The following NOX4 variants were observed in gnomAD, a reference collection of about 807,000 sequenced individuals.
NOX4 encodes kidney oxidase-1.
A neutral mutation model predicts 87.6 loss-of-function variants in NOX4; 69 were observed. That is an observed-to-expected ratio of 0.79 (90% CI 0.65 to 0.96). The LOEUF (loss-of-function observed/expected upper bound fraction) is 0.96, where lower values mean the gene tolerates loss of function less well. Among genes scored for constraint, NOX4 ranks in the 40% least tolerant of loss-of-function variants. The pLI, the probability that NOX4 is intolerant of heterozygous loss-of-function variation, is 0.00. For synonymous variants in NOX4, 275 were observed against 238.2 expected (o/e 1.15, Z -1.42); for missense variants, 680 against 681.5 (o/e 1.00, Z 0.02).
intron 12 of NOX4, among the ~76,000 whole-genome samples, chr11:89,363,483 C>G (rs1228709259): frequency 2.6e-5 from 4 of 151,866 alleles, no homozygotes; most frequent in African/African-American, 9.7e-5. Context: ...TAAGCACACA[C>G]AAAAAATGCC....
intron 7 of NOX4, among the ~76,000 whole-genome samples, chr11:89,424,869 A>G (rs1269569589): frequency 1.3e-5 from 2 of 152,144 alleles, no homozygotes; most frequent in Non-Finnish European, 2.9e-5. Flanking sequence ...GGTAAAAAGA[A>G]AAGGTAAAAT....
intron 2 of NOX4, among the ~76,000 whole-genome samples, chr11:89,452,651 C>A (rs1000692950): frequency 8.6e-5 from 13 of 151,986 alleles, no homozygotes; most frequent in Admixed American, 8.5e-4. Context: ...CCAAATCAAG[C>A]TATTTTACAT....
chr11:89,408,002 G>A (rs1942279494), intron 8 of NOX4, among the ~76,000 whole-genome samples: 1 of 151,470 alleles, frequency 6.6e-6, no homozygotes, highest in African/African-American at 2.4e-5. Flanking sequence ...TTTCTTTATG[G>A]TAAAAATATA....
At chr11:89,372,278 T>C (rs944749392) in intron 12 of NOX4, among the ~76,000 whole-genome samples, 2 of 151,900 alleles carry the variant, frequency 1.3e-5, no homozygotes, top group African/African-American at 4.8e-5. Context: ...ATTTTCATCA[T>C]AGTGCTTCAA....
the NOX4 span, among the ~76,000 whole-genome samples, chr11:89,536,699 C>T: frequency 1.3e-5 from 2 of 152,026 alleles, no homozygotes; most frequent in Admixed American, 1.3e-4. Context: ...CCTTTTTCTC[C>T]TCCTCCTCAT....
intron 13 of NOX4, among the ~76,000 whole-genome samples, chr11:89,351,571 T>C (rs1175902817): frequency 1.3e-5 from 2 of 152,180 alleles, no homozygotes; most frequent in Non-Finnish European, 2.9e-5. Flanking sequence ...CTAACTCTTG[T>C]CTATGGACTA....
the NOX4 span, among the ~76,000 whole-genome samples, chr11:89,550,396 G>A: frequency 1.3e-5 from 2 of 152,050 alleles, no homozygotes; most frequent in African/African-American, 4.8e-5. Context: ...ATGTTGGCCA[G>A]GTTGGTCTTG....
chr11:89,503,733 A>G, the NOX4 span, among the ~76,000 whole-genome samples: 2 of 151,360 alleles, frequency 1.3e-5, no homozygotes, highest in East Asian at 3.9e-4. Flanking sequence ...TTAATGGGAC[A>G]GGCTAGACAA....
At chr11:89,387,405 C>T (rs1236874886) in intron 11 of NOX4, among the ~76,000 whole-genome samples, 2 of 152,018 alleles carry the variant, frequency 1.3e-5, no homozygotes, top group Non-Finnish European at 1.5e-5. Flanking sequence ...CTGTAATTTT[C>T]CATTACCTAC....
the NOX4 span, among the ~76,000 whole-genome samples, chr11:89,508,265 T>C: frequency 6.6e-6 from 1 of 152,092 alleles, no homozygotes; most frequent in Non-Finnish European, 1.5e-5. Flanking sequence ...TCAGGATGTC[T>C]GTACTACAGG....
intron 11 of NOX4, among the ~76,000 whole-genome samples, chr11:89,381,947 G>T (rs1489384379): frequency 2.0e-5 from 3 of 152,094 alleles, no homozygotes; most frequent in Non-Finnish European, 2.9e-5. Flanking sequence ...TTCTGGTAGA[G>T]ACAGAAGAGA....
chr11:89,367,172 T>G (rs1939070348), intron 12 of NOX4, among the ~76,000 whole-genome samples: 1 of 152,160 alleles, frequency 6.6e-6, no homozygotes, highest in Non-Finnish European at 1.5e-5. Flanking sequence ...CAGTGTTTCA[T>G]TATACAAAGC....
intron 2 of NOX4, chr11:89,488,910 A>AT: frequency 1.5e-6 from 1 of 667,022 alleles, no homozygotes; most frequent in South Asian, 1.7e-5. Context: ...TGGTTTTTCC[A>AT]TTATATTGTA....
intron 11 of NOX4, among the ~76,000 whole-genome samples, chr11:89,382,431 CGT>C: frequency 6.6e-6 from 1 of 151,396 alleles, no homozygotes; most frequent in South Asian, 2.1e-4. Context: ...TAATTTTTGT[CGT>C]AAAATGGGCA....
At chr11:89,551,610 T>C in the NOX4 span, among the ~76,000 whole-genome samples, 1 of 152,204 alleles carries the variant, frequency 6.6e-6, no homozygotes, top group Non-Finnish European at 1.5e-5. Context: ...ATCATTGGTG[T>C]ATAAGAATGC....
intron 11 of NOX4, among the ~76,000 whole-genome samples, chr11:89,375,714 T>C (rs1182896500): frequency 1.3e-5 from 2 of 152,204 alleles, no homozygotes; most frequent in Admixed American, 6.5e-5. Flanking sequence ...TATATACTAC[T>C]GAAGGCTGAC....
intron 12 of NOX4, among the ~76,000 whole-genome samples, chr11:89,369,347 G>A (rs1939262140): frequency 6.6e-6 from 1 of 152,028 alleles, no homozygotes; most frequent in African/African-American, 2.4e-5. Context: ...CCATGGCTAA[G>A]TGGCAGGAGA....
chr11:89,582,398 C>A, the NOX4 span, among the ~76,000 whole-genome samples: 1 of 151,972 alleles, frequency 6.6e-6, no homozygotes, highest in Non-Finnish European at 1.5e-5. Flanking sequence ...TGAATATATA[C>A]CCAGAAGTGG....
At chr11:89,366,800 AACTT>A in intron 12 of NOX4, among the ~76,000 whole-genome samples, 1 of 152,208 alleles carries the variant, frequency 6.6e-6, no homozygotes, top group Middle Eastern at 3.4e-3. Context: ...GAACGAATAA[AACTT>A]AATGACTGGT....
Sources: gnomAD v4.1 joint callset for allele counts (sites outside exome capture counted in the v4.1 genomes callset) on GRCh38, gnomAD v4.1.1 for gene constraint, MANE v1.5 for transcripts, NCBI Gene and HGNC (gene_info 2026-07-23, HGNC 2026-07-21) for gene names.